Variants in SMYD3 observed in about 807,000 individuals in gnomAD.
SMYD3 encodes the protein SET and MYND domain containing 3.
A neutral mutation model predicts 57.7 loss-of-function variants in SMYD3; 36 were observed. That is an observed-to-expected ratio of 0.62 (90% CI 0.48 to 0.82). The LOEUF (loss-of-function observed/expected upper bound fraction) is 0.82. Ranked by LOEUF, SMYD3 falls within the 40% of genes least tolerant of loss-of-function variation. The pLI, the probability that SMYD3 is intolerant of heterozygous loss-of-function variation, is 0.00. For missense variants in SMYD3, 515 were observed against 538.8 expected (o/e 0.96, Z 0.44); for synonymous variants, 211 against 195.0 (o/e 1.08, Z -0.68).
chr1:245,967,152 G>A (rs1332158166), intron 5 of SMYD3, among the ~76,000 whole-genome samples: 1 of 152,122 alleles, frequency 6.6e-6, no homozygotes, highest in Non-Finnish European at 1.5e-5. Flanking sequence ...GAAGAAAGAG[G>A]TAGAAATCTC....
intron 10 of SMYD3, among the ~76,000 whole-genome samples, chr1:245,838,084 A>T (rs1276036285): frequency 1.3e-5 from 2 of 152,246 alleles, no homozygotes; most frequent in East Asian, 3.9e-4. Flanking sequence ...CCATGAAACA[A>T]CATGAGATTA....
intron 3 of SMYD3, among the ~76,000 whole-genome samples, chr1:246,335,021 C>T (rs887408184): frequency 2.0e-5 from 3 of 152,162 alleles, no homozygotes; most frequent in Non-Finnish European, 4.4e-5. Flanking sequence ...GCAACCACCA[C>T]TTGATTAGTC....
At chr1:246,434,476 A>C (rs1177138941) in intron 1 of SMYD3, among the ~76,000 whole-genome samples, 2 of 152,250 alleles carry the variant, frequency 1.3e-5, no homozygotes, top group Non-Finnish European at 2.9e-5. Context: ...ACCCCAATAC[A>C]AAATGGGCAA....
intron 1 of SMYD3, among the ~76,000 whole-genome samples, chr1:246,416,736 C>T (rs574618735): frequency 1.3e-5 from 2 of 151,554 alleles, no homozygotes; most frequent in African/African-American, 4.8e-5. Context: ...TGGGCACTTC[C>T]GAATTTTAAA....
intron 8 of SMYD3, among the ~76,000 whole-genome samples, chr1:245,910,198 T>C (rs1186788805): frequency 6.6e-6 from 1 of 152,060 alleles, no homozygotes; most frequent in Non-Finnish European, 1.5e-5. Flanking sequence ...GCAATCCCAT[T>C]TGCAACAGCT....
At chr1:245,956,064 C>A (rs1332838979) in intron 5 of SMYD3, 1 of 983,402 alleles carries the variant, frequency 1.0e-6, no homozygotes, top group East Asian at 1.1e-4. Context: ...CTAGGTTATA[C>A]AAATAGATAA....
intron 1 of SMYD3, among the ~76,000 whole-genome samples, chr1:246,391,412 GAGAGAAAA>G (rs1441827522): frequency 2.3e-4 from 16 of 69,432 alleles, no homozygotes; most frequent in South Asian, 1.2e-3. Flanking sequence ...GAGAGAAAGA[GAGAGAAAA>G]AGAGAGAGAG....
intron 10 of SMYD3, among the ~76,000 whole-genome samples, chr1:245,835,118 T>C (rs1572472095): frequency 1.1e-5 from 1 of 90,704 alleles, no homozygotes; most frequent in South Asian, 4.5e-4. Flanking sequence ...CTGGGGCAGG[T>C]TTCCTTTTTT....
At chr1:246,339,780 A>T (rs116213659) in intron 2 of SMYD3, among the ~76,000 whole-genome samples, 1 of 152,152 alleles carries the variant, frequency 6.6e-6, no homozygotes, top group South Asian at 2.1e-4. Context: ...TCATGTCACT[A>T]TTGCAACAGT....
intron 5 of SMYD3, among the ~76,000 whole-genome samples, chr1:246,036,720 A>ATTTTTTTTTTTTTT (rs546300378): frequency 9.0e-6 from 1 of 110,532 alleles, no homozygotes; most frequent in African/African-American, 3.9e-5. Context: ...AGCCCGGCTA[A>ATTTTTTTTTTTTTT]TTTTTTTTTT....
chr1:245,751,993 G>T (rs187691790), intron 11 of SMYD3, among the ~76,000 whole-genome samples: 3 of 152,334 alleles, frequency 2.0e-5, no homozygotes, highest in Admixed American at 6.5e-5. Flanking sequence ...CACATGCCTC[G>T]TGTTTTATTC....
intron 5 of SMYD3, among the ~76,000 whole-genome samples, chr1:246,068,285 CAAA>C (rs71726233): frequency 0.019 from 2,148 of 114,542 alleles, 56 homozygotes; most frequent in African/African-American, 0.058. Flanking sequence ...TACAGGTCAG[CAAA>C]AAAAAAAAAA....
At chr1:246,127,605 T>G (rs78604191) in intron 5 of SMYD3, among the ~76,000 whole-genome samples, 1 of 152,006 alleles carries the variant, frequency 6.6e-6, no homozygotes, top group Non-Finnish European at 1.5e-5. Context: ...GAGTGAAATA[T>G]GAAAAGGAGG....
chr1:245,920,838 C>T (rs2147801245), intron 7 of SMYD3, among the ~76,000 whole-genome samples: 1 of 152,232 alleles, frequency 6.6e-6, no homozygotes, highest in Admixed American at 6.5e-5. Context: ...TTTATGCACC[C>T]TAGAAGAAAA....
intron 8 of SMYD3, among the ~76,000 whole-genome samples, chr1:245,894,660 G>A (rs1050115401): frequency 6.6e-6 from 1 of 152,154 alleles, no homozygotes; most frequent in Non-Finnish European, 1.5e-5. Flanking sequence ...AGTAGTATCT[G>A]AGGAAGAATC....
chr1:246,038,648 A>G (rs1456944704), intron 5 of SMYD3, among the ~76,000 whole-genome samples: 1 of 152,188 alleles, frequency 6.6e-6, no homozygotes, highest in Non-Finnish European at 1.5e-5. Flanking sequence ...CAAATCACCC[A>G]TTCTATCAGG....
chr1:246,113,792 C>T (rs1162287095), intron 5 of SMYD3: 1 of 152,166 alleles, frequency 6.6e-6, no homozygotes, highest in Non-Finnish European at 1.5e-5. Context: ...GAAATAAATA[C>T]ATAAATATCT....
chr1:246,383,139 AC>A (rs2066417066), intron 1 of SMYD3, among the ~76,000 whole-genome samples: 1 of 152,216 alleles, frequency 6.6e-6, no homozygotes, highest in African/African-American at 2.4e-5. Flanking sequence ...CTGCCCAAGA[AC>A]TTGAGGTAGC....
At chr1:245,807,097 G>C (rs1442574880) in intron 10 of SMYD3, among the ~76,000 whole-genome samples, 1 of 151,942 alleles carries the variant, frequency 6.6e-6, no homozygotes, top group East Asian at 1.9e-4. Flanking sequence ...CTCCCACGCA[G>C]CACCCACAGG....
Sources: allele counts gnomAD v4.1 joint callset (sites outside exome capture counted in the v4.1 genomes callset), GRCh38; gene constraint gnomAD v4.1.1; transcripts MANE v1.5; gene names NCBI Gene and HGNC (gene_info 2026-07-23, HGNC 2026-07-21).